The following ZFAND3 variants were observed in gnomAD, a reference collection of about 807,000 sequenced individuals.
ZFAND3 encodes zinc finger AN1-type containing 3, also known as AN1-type zinc finger protein 3.
In ZFAND3, 10 loss-of-function variants were observed where a neutral mutation model predicts 29.6. That is an observed-to-expected ratio of 0.34 (90% CI 0.21 to 0.57). The LOEUF (loss-of-function observed/expected upper bound fraction) is 0.57. Ranked by LOEUF, ZFAND3 falls within the 20% of genes least tolerant of loss-of-function variation. The probability of loss-of-function intolerance (pLI) is 0.86; values close to 1 mark genes in which losing one functional copy is unlikely to be tolerated. For synonymous variants in ZFAND3, 128 were observed against 112.6 expected (o/e 1.14, Z -0.87); for missense variants, 230 against 304.5 (o/e 0.76, Z 1.82).
At chr6:38,103,331 G>GGT (rs1182997886) in intron 4 of ZFAND3, among the ~76,000 whole-genome samples, 1 of 120,518 alleles carries the variant, frequency 8.3e-6, no homozygotes, top group East Asian at 2.4e-4. Flanking sequence ...AATAAATCTG[G>GGT]GTGTGTGTGT....
intron 2 of ZFAND3, among the ~76,000 whole-genome samples, chr6:37,968,205 A>G (rs1362212876): frequency 6.6e-6 from 1 of 152,180 alleles, no homozygotes; most frequent in African/African-American, 2.4e-5. Flanking sequence ...GATTTAAAAG[A>G]AAAACAAGTT....
chr6:37,915,387 A>G (rs1761228190), intron 1 of ZFAND3, among the ~76,000 whole-genome samples: 1 of 152,370 alleles, frequency 6.6e-6, no homozygotes, highest in South Asian at 2.1e-4. Flanking sequence ...GCTAACTGGC[A>G]TAAGAGGCCT....
chr6:38,111,916 A>G (rs1413980107), intron 4 of ZFAND3, among the ~76,000 whole-genome samples: 1 of 152,166 alleles, frequency 6.6e-6, no homozygotes, highest in African/African-American at 2.4e-5. Flanking sequence ...ATTTTATATA[A>G]GGGACTTGAG....
chr6:38,070,844 G>A (rs1261747031), intron 3 of ZFAND3, among the ~76,000 whole-genome samples: 4 of 151,832 alleles, frequency 2.6e-5, no homozygotes, highest in South Asian at 2.1e-4. Flanking sequence ...ATATTAGGTG[G>A]GTTTTTTCTT....
intron 2 of ZFAND3, among the ~76,000 whole-genome samples, chr6:37,997,302 A>G (rs548739245): frequency 1.3e-5 from 2 of 152,298 alleles, no homozygotes; most frequent in East Asian, 1.9e-4. Context: ...TTTAGTTCCT[A>G]TATTTTCAGG....
intron 2 of ZFAND3, among the ~76,000 whole-genome samples, chr6:37,971,012 T>C (rs1198841400): frequency 2.6e-5 from 4 of 152,236 alleles, no homozygotes; most frequent in Non-Finnish European, 5.9e-5. Flanking sequence ...ATGATCCTTG[T>C]TGAAAATTTA....
At chr6:37,846,777 T>A (rs965993333) in intron 1 of ZFAND3, among the ~76,000 whole-genome samples, 3 of 151,634 alleles carry the variant, frequency 2.0e-5, no homozygotes, top group African/African-American at 7.3e-5. Context: ...AGTGGCGTGA[T>A]CTCGGCTCAC....
rs546722076 is a variant in ZFAND3, at chr6:37,903,074, A to C, written c.72-26885A>C. Among the ~76,000 whole-genome samples, 3 of 152,338 alleles carry C rather than the reference A, an allele frequency of 2.0e-5. No homozygotes were observed. The South Asian group carries it at 6.2e-4, about 32-fold the overall frequency. The stretch of plus-strand genomic sequence containing the variant: ...TTCTCTAAAAAGTATTCATTTTTAA[A>C]AGGTTGCTTTGATCACCAGTCTTGA... On this transcript the variant is annotated intron_variant, in intron 1 of 5. Coordinates refer to ENST00000287218, the MANE Select transcript of ZFAND3 (RefSeq NM_021943.3).
rs1309008043 is a variant in ZFAND3, at chr6:37,902,451, A to G, written c.72-27508A>G. 2.0e-5 allele frequency among the ~76,000 whole-genome samples: 3 copies of G among 152,096 alleles called. No homozygotes were observed. The South Asian group carries it at 6.2e-4, about 32-fold the overall frequency. On this transcript the variant is annotated intron_variant, in intron 1 of 5. Coordinates refer to ENST00000287218, the MANE Select transcript of ZFAND3 (RefSeq NM_021943.3). ...TGATACCACTGCACTCTAGCCTGCC[A>G]TGCACTCTAGCCTGAGTGGCAGAGT... is the stretch of plus-strand genomic sequence containing the variant.
chr6:37,937,664 AAAAAAAAAAG>A (rs1314953186), intron 2 of ZFAND3, among the ~76,000 whole-genome samples: 137 of 151,574 alleles, frequency 9.0e-4, no homozygotes, highest in African/African-American at 2.9e-3. Context: ...AAAAAAAAAA[AAAAAAAAAAG>A]GCAAAAAAAG....
chr6:37,949,938 T>C (rs552350650), intron 2 of ZFAND3, among the ~76,000 whole-genome samples: 4 of 152,330 alleles, frequency 2.6e-5, no homozygotes, highest in Admixed American at 6.5e-5. Context: ...CCACAGGGTA[T>C]AGGGTGGGAC....
At chr6:38,146,207 G>T (rs1766104193) in intron 5 of ZFAND3, among the ~76,000 whole-genome samples, 1 of 152,192 alleles carries the variant, frequency 6.6e-6, no homozygotes, top group Admixed American at 6.5e-5. Flanking sequence ...GATCTTCTCA[G>T]ATGGAGGGTG....
At chr6:37,896,518 C>CTTTG (rs1195295043) in intron 1 of ZFAND3, among the ~76,000 whole-genome samples, 13 of 91,108 alleles carry the variant, frequency 1.4e-4, no homozygotes, top group Admixed American at 4.3e-4. Context: ...TCTTTCTTTT[C>CTTTG]TTTCTTTCTT....
rs1389118434 is a variant in ZFAND3, at chr6:37,954,139, C to T, written c.112+24140C>T. Among the ~76,000 whole-genome samples, 11 of 151,794 alleles carry T rather than the reference C, an allele frequency of 7.2e-5. No individual in the cohort carries two copies. The East Asian group carries it at 1.6e-3, about 21-fold the overall frequency. On this transcript the variant is annotated intron_variant, in intron 2 of 5. Transcript: ENST00000287218. ...AACATATCCTTTTTTTCTCTGGGTGCTTTTAAAATTTTCTCTTTATGGCTG... is the reference window on the plus strand; with the variant it reads ...AACATATCCTTTTTTTCTCTGGGTGTTTTTAAAATTTTCTCTTTATGGCTG...
chr6:37,930,235 A>G lies in ZFAND3; in HGVS notation c.112+236A>G, dbSNP rs150140563. Among the ~76,000 whole-genome samples the G allele has an allele frequency of 3.6e-3, 550 of 152,252 alleles. 6 individuals carry two copies. The highest frequency in any genetic ancestry group is 0.013 in the African/African-American group (528 of 41,546). On this transcript the variant is annotated intron_variant, in intron 2 of 5. Coordinates refer to ENST00000287218, the MANE Select transcript of ZFAND3 (RefSeq NM_021943.3). ...ATCTCCTATGTACTTGCACCAAACAAACTTTCCTTGGTTTACTGTTGTTGG... is the reference window on the plus strand; with the variant it reads ...ATCTCCTATGTACTTGCACCAAACAGACTTTCCTTGGTTTACTGTTGTTGG...
At chr6:37,966,500 T>A (rs1475795664) in intron 2 of ZFAND3, among the ~76,000 whole-genome samples, 1 of 152,188 alleles carries the variant, frequency 6.6e-6, no homozygotes, top group African/African-American at 2.4e-5. Context: ...GTCTGAGGCC[T>A]TGCGGTTCAT....
intron 2 of ZFAND3, among the ~76,000 whole-genome samples, chr6:37,972,569 G>T (rs575021789): frequency 6.6e-6 from 1 of 152,310 alleles, no homozygotes; most frequent in African/African-American, 2.4e-5. Context: ...AAACACTCAA[G>T]ATTGTCTCTT....
intron 4 of ZFAND3, among the ~76,000 whole-genome samples, chr6:38,089,829 C>T (rs1764828187): frequency 6.6e-6 from 1 of 152,164 alleles, no homozygotes; most frequent in African/African-American, 2.4e-5. Context: ...CCAAGGAGGA[C>T]TTCACATCTT....
chr6:37,887,446 CCTT>C (rs1229023942), intron 1 of ZFAND3, among the ~76,000 whole-genome samples: 1 of 151,936 alleles, frequency 6.6e-6, no homozygotes, highest in Admixed American at 6.6e-5. Flanking sequence ...AGTTAGGTAA[CCTT>C]AATGTATATT....
Sources: allele counts gnomAD v4.1 joint callset (sites outside exome capture counted in the v4.1 genomes callset), GRCh38; gene constraint gnomAD v4.1.1; transcripts MANE v1.5; gene names NCBI Gene and HGNC (gene_info 2026-07-23, HGNC 2026-07-21).